Variants in TEAD4 observed in about 807,000 individuals in gnomAD.
TEAD4 encodes TEA domain transcription factor 4.
TEAD4 carries 36 observed loss-of-function variants against 52.4 expected under a neutral mutation model. The observed-to-expected ratio is 0.69, with a 90% CI of 0.53 to 0.91. TEAD4 has a LOEUF of 0.91. Ranked by LOEUF, TEAD4 falls within the 40% of genes least tolerant of loss-of-function variation. The probability of loss-of-function intolerance (pLI) is 0.00; values close to 1 mark genes in which losing one functional copy is unlikely to be tolerated. For synonymous variants in TEAD4, 220 were observed against 231.0 expected, an observed-to-expected ratio of 0.95 and a Z score of 0.43; for missense variants, 508 against 583.9, an observed-to-expected ratio of 0.87 and a Z score of 1.34.
intron 2 of TEAD4, among the ~76,000 whole-genome samples, chr12:2,961,181 C>T (rs1480119071): frequency 1.3e-5 from 2 of 151,978 alleles, no homozygotes; most frequent in Non-Finnish European, 2.9e-5. Context: ...TTAAGTTGCC[C>T]TCAAGGACAA....
intron 3 of TEAD4, among the ~76,000 whole-genome samples, chr12:2,995,366 C>T (rs768424767): frequency 1.3e-5 from 2 of 152,190 alleles, no homozygotes; most frequent in Non-Finnish European, 2.9e-5. Context: ...CCCTCTTTCC[C>T]TCACTCATTC....
chr12:3,020,981 G>A (rs900943310), intron 9 of TEAD4, among the ~76,000 whole-genome samples: 5 of 150,828 alleles, frequency 3.3e-5, no homozygotes, highest in African/African-American at 4.9e-5. Context: ...CTTCCTTTCC[G>A]TGTCCCAGCG....
At chr12:2,965,644 C>T (rs763871980) in intron 2 of TEAD4, among the ~76,000 whole-genome samples, 21 of 152,214 alleles carry the variant, frequency 1.4e-4, no homozygotes, top group East Asian at 3.9e-4. Context: ...CTCCGCCTCC[C>T]GGGTTCACTC....
intron 2 of TEAD4, among the ~76,000 whole-genome samples, chr12:2,964,321 G>A (rs1014038516): frequency 6.6e-6 from 1 of 152,178 alleles, no homozygotes; most frequent in African/African-American, 2.4e-5. Flanking sequence ...TGGTGTTGTT[G>A]CTCCCTGGCT....
intron 3 of TEAD4, among the ~76,000 whole-genome samples, chr12:3,005,915 G>A (rs2098255573): frequency 6.6e-6 from 1 of 152,204 alleles, no homozygotes; most frequent in African/African-American, 2.4e-5. Context: ...TGGGGTTATA[G>A]GTGTGAGTCA....
At chr12:2,963,894 G>A (rs1297060224) in intron 2 of TEAD4, among the ~76,000 whole-genome samples, 1 of 152,162 alleles carries the variant, frequency 6.6e-6, no homozygotes, top group Non-Finnish European at 1.5e-5. Context: ...GGGCAGGCGG[G>A]CCCCCATGGG....
chr12:3,033,164 G>A (rs912320614), intron 10 of TEAD4, among the ~76,000 whole-genome samples: 5 of 152,204 alleles, frequency 3.3e-5, no homozygotes, highest in African/African-American at 1.2e-4. Context: ...AGGAGGACTT[G>A]TCCGTCTCCA....
At chr12:2,988,991 T>C (rs1022963593) in intron 2 of TEAD4, among the ~76,000 whole-genome samples, 2 of 152,318 alleles carry the variant, frequency 1.3e-5, no homozygotes, top group Admixed American at 1.3e-4. Flanking sequence ...AGATAGTGTT[T>C]CTCTGAGTTC....
At chr12:2,996,818 T>G (rs1025070231) in intron 3 of TEAD4, among the ~76,000 whole-genome samples, 1 of 152,118 alleles carries the variant, frequency 6.6e-6, no homozygotes, top group African/African-American at 2.4e-5. Flanking sequence ...TGGGTTAAAG[T>G]GATTCTTCTG....
intron 2 of TEAD4, among the ~76,000 whole-genome samples, chr12:2,974,970 G>A (rs1786602298): frequency 6.6e-6 from 1 of 152,060 alleles, no homozygotes; most frequent in African/African-American, 2.4e-5. Flanking sequence ...CCTAGGACAC[G>A]CCTCCTTAAA....
At chr12:2,988,233 T>C (rs565546401) in intron 2 of TEAD4, among the ~76,000 whole-genome samples, 5 of 151,834 alleles carry the variant, frequency 3.3e-5, no homozygotes, top group African/African-American at 1.2e-4. Context: ...ATACTAGGGG[T>C]CTGGCGCGGT....
At chr12:2,978,564 T>C (rs1397072310) in intron 2 of TEAD4, among the ~76,000 whole-genome samples, 3 of 151,968 alleles carry the variant, frequency 2.0e-5, no homozygotes, top group Non-Finnish European at 2.9e-5. Context: ...CCACCGCCCC[T>C]GGCTAATTTT....
chr12:2,996,267 GC>G lies in TEAD4; in HGVS notation c.226+1276del, dbSNP rs573254465. Among the ~76,000 whole-genome samples the G allele has an allele frequency of 4.9e-3, 742 of 152,080 alleles. 5 individuals carry two copies. The highest frequency in any genetic ancestry group is 0.014 in the Middle Eastern group (4 of 294). On this transcript the variant is annotated intron_variant, in intron 3 of 12. Coordinates refer to ENST00000359864, the MANE Select transcript of TEAD4 (RefSeq NM_003213.4). ...CATTCATTTCTCCCCCACACCCAAC[GC>G]TGGTGCCACCCCCACCATTGTTGCT...
At chr12:2,991,025 C>T (rs1010837657) in intron 2 of TEAD4, among the ~76,000 whole-genome samples, 1 of 152,082 alleles carries the variant, frequency 6.6e-6, no homozygotes, top group Non-Finnish European at 1.5e-5. Flanking sequence ...GCAGTAAATA[C>T]ATAATCTCTA....
At chr12:2,996,412 CTTT>C (rs34492810) in intron 3 of TEAD4, among the ~76,000 whole-genome samples, 1 of 145,288 alleles carries the variant, frequency 6.9e-6, no homozygotes. Context: ...CTCTCTCTCT[CTTT>C]TTTTTTTTTT....
At position 2,998,069 on chromosome 12, in the gene TEAD4, T is replaced by C. The variant is rs1173737893; in HGVS notation, c.226+3077T>C. The stretch of plus-strand genomic sequence containing the variant: ...TCTTTATGGGTCTGACTCCTTTAGT[T>C]ACCTCATGTAAGTGGAATCATACAA... On this transcript the variant is annotated intron_variant, in intron 3 of 12. Coordinates refer to ENST00000359864, the MANE Select transcript of TEAD4 (RefSeq NM_003213.4). Among the ~76,000 whole-genome samples the C allele has an allele frequency of 2.0e-5, 3 of 152,168 alleles. No individual in the cohort carries two copies. In the East Asian group the frequency reaches 5.8e-4, roughly 29 times the overall value.
rs778390540 is a variant in TEAD4, at chr12:3,019,099, CCT to C, written c.528-8_528-7del. Reference sequence around the variant, plus strand: ...CCTGCCCGAGGCTGACACCTCCCCTCCTCTCTCTCCCGCAGTGTGAAGCCTTT... The same window carrying C: ...CCTGCCCGAGGCTGACACCTCCCCTCCTCTCTCCCGCAGTGTGAAGCCTTT... On this transcript the variant is annotated splice_polypyrimidine_tract_variant and intron_variant, in intron 7 of 12. Transcript: ENST00000359864. 1.7e-5 allele frequency: 27 copies of C among 1,613,858 alleles called. No homozygotes were observed. The Admixed American group carries it at 3.0e-4, about 18-fold the overall frequency.
intron 2 of TEAD4, among the ~76,000 whole-genome samples, chr12:2,963,570 T>C (rs1399625192): frequency 6.6e-6 from 1 of 152,188 alleles, no homozygotes; most frequent in African/African-American, 2.4e-5. Context: ...GGCAGGGCTT[T>C]GTCACTGGGG....
At chr12:3,021,413 C>T (rs1226892457) in intron 9 of TEAD4, among the ~76,000 whole-genome samples, 3 of 150,794 alleles carry the variant, frequency 2.0e-5, no homozygotes, top group Admixed American at 6.6e-5. Context: ...TGAGTTCAAG[C>T]GACTCTCCCG....
Sources: gnomAD v4.1 joint callset for allele counts (sites outside exome capture counted in the v4.1 genomes callset) on GRCh38, gnomAD v4.1.1 for gene constraint, MANE v1.5 for transcripts, NCBI Gene and HGNC (gene_info 2026-07-23, HGNC 2026-07-21) for gene names.